CPO: variants seen among roughly 807,000 people sequenced by gnomAD.
CPO encodes metallocarboxypeptidase C.
A neutral mutation model predicts 41.2 loss-of-function variants in CPO; 43 were observed. The observed-to-expected ratio is 1.04, with a 90% CI of 0.82 to 1.35. CPO has a LOEUF of 1.35. Among genes scored for constraint, CPO ranks in the 40% most tolerant of loss-of-function variants. The pLI, the probability that CPO is intolerant of heterozygous loss-of-function variation, is 0.00. For missense variants in CPO, 408 were observed against 451.7 expected (o/e 0.90, Z 0.88); for synonymous variants, 178 against 162.7 (o/e 1.09, Z -0.72).
chr2:206,944,535 A>C (rs1693105723), intron 1 of CPO, among the ~76,000 whole-genome samples: 2 of 152,018 alleles, frequency 1.3e-5, no homozygotes, highest in African/African-American at 4.8e-5. Flanking sequence ...AATAACATTT[A>C]TTTCTTTTAA....
chr2:206,962,357 G>A (rs1324400820), intron 6 of CPO, 55 bp from the exon 7 acceptor site: 1 of 1,526,528 alleles, frequency 6.6e-7, no homozygotes, highest in Non-Finnish European at 9.1e-7. Flanking sequence ...CTTGCCATTG[G>A]TCATTTCCAA....
At chr2:206,961,107 T>G (rs1390610670) in intron 6 of CPO, among the ~76,000 whole-genome samples, 165 bp downstream of exon 6, 1 of 152,222 alleles carries the variant, frequency 6.6e-6, no homozygotes, top group Non-Finnish European at 1.5e-5. Flanking sequence ...ATTATCTACA[T>G]AGTAAGAGCT....
chr2:206,943,614 A>AAC (rs1322088871), intron 1 of CPO, among the ~76,000 whole-genome samples: 1 of 151,284 alleles, frequency 6.6e-6, no homozygotes, highest in African/African-American at 2.4e-5. Context: ...GGAAAAAAAA[A>AAC]ACTGGGATAA....
At chr2:206,965,842 C>T (rs1247733794) in intron 7 of CPO, among the ~76,000 whole-genome samples, 3 of 152,134 alleles carry the variant, frequency 2.0e-5, no homozygotes, top group African/African-American at 4.8e-5. Context: ...GAAAAAAAGG[C>T]GGCAGAGAAA....
rs1693644103 is a variant in CPO, at chr2:206,969,377, AG to A, written c.1069del (p.Val357Ter). 1 of 1,613,934 alleles carries A rather than the reference AG, an allele frequency of 6.2e-7. No homozygotes were observed. Among genetic ancestry groups the A allele is most frequent in the African/African-American group, 1.3e-5 (1 of 74,910 alleles). ...AKHWHSDSAG[R>X]VTSATMLLGL... The stretch of plus-strand genomic sequence containing the variant: ...ACACTGGCACTCGGACAGTGCTGGA[AG>A]GGTGACATCTGCCACTATGCTGCTG... On this transcript the variant is annotated frameshift_variant, in exon 9 of 9. Coordinates refer to ENST00000272852, the MANE Select transcript of CPO (RefSeq NM_173077.3). LOFTEE classifies it low-confidence loss of function (END_TRUNC).
chr2:206,955,351 C>G, intron 2 of CPO, 112 bp from the exon 3 acceptor site: 2 of 742,656 alleles, frequency 2.7e-6, no homozygotes, highest in South Asian at 1.5e-5. Flanking sequence ...CTGTTGCAAT[C>G]TAGAGCAAAG....
chr2:206,958,887 A>T (rs1390044210), intron 4 of CPO, among the ~76,000 whole-genome samples: 2 of 151,736 alleles, frequency 1.3e-5, no homozygotes, highest in Non-Finnish European at 2.9e-5. Context: ...GATTACAGGC[A>T]TGCACCACCA....
In CPO at chr2:206,969,260, T is replaced by C; in HGVS notation, c.949T>C (p.Tyr317His). ...YTFELRDSGT[Y>H]GFVLPEAQIQ... ...GTTTGAGCTGAGGGACAGTGGAACA[T>C]ATGGGTTTGTTCTGCCAGAAGCTCA... The change falls in exon 9 of 9, where the codon TAT becomes CAT. Residue 317 changes from tyrosine (Y) to histidine (H), a missense_variant. By Grantham distance (83) the Tyr-to-His change is moderately conservative (BLOSUM62 2). Transcript: ENST00000272852. 1 of 1,614,018 alleles carries C rather than the reference T, an allele frequency of 6.2e-7. No individual in the cohort carries two copies. Among genetic ancestry groups the C allele is most frequent in the Non-Finnish European group, 8.5e-7 (1 of 1,179,972 alleles).
At chr2:206,960,110 A>G (rs1693450357) in intron 5 of CPO, among the ~76,000 whole-genome samples, 1 of 152,238 alleles carries the variant, frequency 6.6e-6, no homozygotes, top group African/African-American at 2.4e-5. Flanking sequence ...AAGGCAATGA[A>G]TAATGTATAA....
At chr2:206,957,057 A>C (rs751820694) in intron 3 of CPO, among the ~76,000 whole-genome samples, 5 of 152,184 alleles carry the variant, frequency 3.3e-5, no homozygotes, top group Admixed American at 3.3e-4. Context: ...TGTAACTAGC[A>C]TACACGTACT....
At chr2:206,944,806 G>T (rs1211014768) in intron 1 of CPO, among the ~76,000 whole-genome samples, 2 of 151,914 alleles carry the variant, frequency 1.3e-5, no homozygotes, top group Non-Finnish European at 2.9e-5. Flanking sequence ...CATTCGAGTA[G>T]CTTAATGTGG....
intron 7 of CPO, among the ~76,000 whole-genome samples, chr2:206,966,379 T>G (rs1242100046): frequency 6.6e-6 from 1 of 152,114 alleles, no homozygotes; most frequent in African/African-American, 2.4e-5. Flanking sequence ...TTAAAAATAA[T>G]TAAAAGCAAT....
chr2:206,943,279 A>G (rs1402857409), intron 1 of CPO, among the ~76,000 whole-genome samples: 1 of 152,128 alleles, frequency 6.6e-6, no homozygotes, highest in Non-Finnish European at 1.5e-5. Context: ...TTGGGGAAGC[A>G]TTGTCAATAA....
chr2:206,956,480 G>A (rs1693361534), intron 3 of CPO, among the ~76,000 whole-genome samples: 1 of 152,126 alleles, frequency 6.6e-6, no homozygotes, highest in South Asian at 2.1e-4. Context: ...TCAGGTCCCT[G>A]CAAAGGTCTA....
chr2:206,948,280 A>C (rs1236658898), intron 1 of CPO, among the ~76,000 whole-genome samples: 1 of 152,246 alleles, frequency 6.6e-6, no homozygotes, highest in East Asian at 1.9e-4. Context: ...CCATGACAAG[A>C]CATGGAGGAA....
chr2:206,963,353 T>C (rs1313636754), intron 7 of CPO, among the ~76,000 whole-genome samples: 1 of 152,238 alleles, frequency 6.6e-6, no homozygotes, highest in African/African-American at 2.4e-5. Flanking sequence ...GTTTTAATTG[T>C]GGTAAAATAA....
At chr2:206,944,838 GA>G (rs1413262868) in intron 1 of CPO, among the ~76,000 whole-genome samples, 4 of 151,492 alleles carry the variant, frequency 2.6e-5, no homozygotes, top group Admixed American at 6.6e-5. Flanking sequence ...AAGTGAACCA[GA>G]AAAAAAATAA....
intron 1 of CPO, among the ~76,000 whole-genome samples, chr2:206,942,391 T>C (rs1252927746): frequency 6.6e-6 from 1 of 152,100 alleles, no homozygotes; most frequent in African/African-American, 2.4e-5. Context: ...CCATACCTTC[T>C]ACGTTTTCCA....
intron 7 of CPO, among the ~76,000 whole-genome samples, chr2:206,967,356 TATAG>T (rs375463252): frequency 6.6e-5 from 6 of 91,104 alleles, no homozygotes; most frequent in Non-Finnish European, 1.2e-4. Flanking sequence ...TATATAGATA[TATAG>T]ATATAGATAT....
Sources: allele counts gnomAD v4.1 joint callset (sites outside exome capture counted in the v4.1 genomes callset), GRCh38; gene constraint gnomAD v4.1.1; transcripts MANE v1.5; gene names NCBI Gene and HGNC (gene_info 2026-07-23, HGNC 2026-07-21).